The following NAALADL2 variants were observed in gnomAD, a reference collection of about 807,000 sequenced individuals.
NAALADL2 encodes inactive N-acetylated-alpha-linked acidic dipeptidase-like protein 2.
A neutral mutation model predicts 87.2 loss-of-function variants in NAALADL2; 76 were observed. The ratio of observed to expected loss-of-function variants is 0.87; its 90% CI spans 0.72 to 1.05. The LOEUF (loss-of-function observed/expected upper bound fraction) is 1.05. Among genes scored for constraint, NAALADL2 ranks in the 50% least tolerant of loss-of-function variants. The pLI is 0.00. For synonymous variants in NAALADL2, 354 were observed against 331.0 expected (o/e 1.07, Z -0.75); for missense variants, 1,089 against 945.8 (o/e 1.15, Z -1.99).
At chr3:175,572,154 T>C (rs1035017013) in intron 9 of NAALADL2, among the ~76,000 whole-genome samples, 2 of 152,174 alleles carry the variant, frequency 1.3e-5, no homozygotes, top group African/African-American at 4.8e-5. Context: ...GTGTTGTCCC[T>C]GAAGCCTCCA....
chr3:174,452,009 A>AT (rs34944717), intron 1 of NAALADL2, among the ~76,000 whole-genome samples: 11 of 148,752 alleles, frequency 7.4e-5, no homozygotes, highest in Non-Finnish European at 1.0e-4. Flanking sequence ...TGCCTGGCTA[A>AT]TTTTTTTTTT....
chr3:175,053,846 G>A (rs371263724), intron 1 of NAALADL2, among the ~76,000 whole-genome samples: 2 of 152,280 alleles, frequency 1.3e-5, no homozygotes, highest in East Asian at 3.9e-4. Context: ...GAGACCAGAG[G>A]CATTAACATG....
intron 1 of NAALADL2, among the ~76,000 whole-genome samples, chr3:174,963,291 A>G (rs186538786): frequency 6.8e-4 from 104 of 152,296 alleles, no homozygotes; most frequent in African/African-American, 2.3e-3. Context: ...GTAAACTTTT[A>G]TAGGATTACT....
rs1746531241 is a variant in NAALADL2, at chr3:174,990,248, A to T, written c.44-106542A>T. Among the ~76,000 whole-genome samples the T allele has an allele frequency of 1.3e-5, 2 of 152,158 alleles. 1 individual carries two copies. The highest frequency in any genetic ancestry group is 4.1e-4 in the South Asian group (2 of 4,828). ...ATGTTTCTTAAGTTACTGGAAACCT[A>T]GGATATTTTTGCTGTTTTATCTGAT... On this transcript the variant is annotated intron_variant, in intron 1 of 13. Coordinates refer to ENST00000454872, the MANE Select transcript of NAALADL2 (RefSeq NM_207015.3).
chr3:175,258,970 C>T (rs1173956273), intron 4 of NAALADL2, among the ~76,000 whole-genome samples: 1 of 152,156 alleles, frequency 6.6e-6, no homozygotes, highest in East Asian at 1.9e-4. Context: ...TGCCTTCACG[C>T]CTGTACTGAA....
chr3:174,939,645 G>A (rs934029371), intron 1 of NAALADL2, among the ~76,000 whole-genome samples: 8 of 151,884 alleles, frequency 5.3e-5, no homozygotes, highest in Admixed American at 1.3e-4. Flanking sequence ...CGTGAGCATG[G>A]GATTTATTTT....
intron 9 of NAALADL2, among the ~76,000 whole-genome samples, chr3:175,536,350 G>A (rs1450993504): frequency 6.6e-6 from 1 of 152,094 alleles, no homozygotes; most frequent in African/African-American, 2.4e-5. Context: ...CTGATCATAA[G>A]CAGGTTACCT....
At chr3:175,229,550 A>G (rs1391957262) in intron 2 of NAALADL2, among the ~76,000 whole-genome samples, 1 of 151,998 alleles carries the variant, frequency 6.6e-6, no homozygotes, top group Non-Finnish European at 1.5e-5. Flanking sequence ...TGGGAAGTTC[A>G]AGATCAAAGT....
At chr3:175,610,171 CAAGTAGGAAAACATAGAGGAT>C (rs2149670949) in intron 10 of NAALADL2, among the ~76,000 whole-genome samples, 1 of 152,194 alleles carries the variant, frequency 6.6e-6, no homozygotes, top group East Asian at 1.9e-4. Context: ...CATTTAAATA[CAAGTAGGAAAACATAGAGGAT>C]CACCCTATGT....
At chr3:175,654,331 A>T (rs1456938706) in intron 11 of NAALADL2, among the ~76,000 whole-genome samples, 23 of 152,104 alleles carry the variant, frequency 1.5e-4, no homozygotes, top group Admixed American at 1.5e-3. Context: ...GATTTTCTTG[A>T]TGGCATCTAG....
At chr3:174,477,362 T>A (rs1039013914) in intron 1 of NAALADL2, among the ~76,000 whole-genome samples, 1 of 152,070 alleles carries the variant, frequency 6.6e-6, no homozygotes, top group Non-Finnish European at 1.5e-5. Flanking sequence ...CTGGATGGAA[T>A]AAAACCACGT....
chr3:175,373,246 A>C (rs1766716153), intron 5 of NAALADL2, among the ~76,000 whole-genome samples: 1 of 152,212 alleles, frequency 6.6e-6, no homozygotes, highest in Non-Finnish European at 1.5e-5. Context: ...ACAGTTGTAT[A>C]ATCATGACCA....
chr3:175,059,196 C>A (rs1369905994), intron 1 of NAALADL2, among the ~76,000 whole-genome samples: 1 of 150,888 alleles, frequency 6.6e-6, no homozygotes. Context: ...TTATTCATCT[C>A]TTTTTTCCCA....
At chr3:174,805,975 T>G (rs1195585312) in intron 3 of NAALADL2, among the ~76,000 whole-genome samples, 1 of 152,212 alleles carries the variant, frequency 6.6e-6, no homozygotes, top group Non-Finnish European at 1.5e-5. Flanking sequence ...GACTATGTGC[T>G]AGTGTGTTTT....
At chr3:174,770,053 CAAG>C (rs769410564) in intron 3 of NAALADL2, among the ~76,000 whole-genome samples, 5 of 152,046 alleles carry the variant, frequency 3.3e-5, no homozygotes, top group African/African-American at 7.2e-5. Context: ...ATATTTAAAA[CAAG>C]AAGTAATCTG....
intron 2 of NAALADL2, among the ~76,000 whole-genome samples, chr3:174,652,947 A>T (rs1724524163): frequency 6.6e-6 from 1 of 152,236 alleles, no homozygotes; most frequent in Non-Finnish European, 1.5e-5. Flanking sequence ...GCCAGTAATC[A>T]TATGAAAAAT....
intron 5 of NAALADL2, among the ~76,000 whole-genome samples, chr3:175,385,572 C>T (rs989266316): frequency 3.3e-5 from 5 of 152,006 alleles, no homozygotes; most frequent in South Asian, 4.2e-4. Context: ...ATTAGCAAAG[C>T]GAATATAGTT....
At chr3:175,281,379 A>T (rs1207771581) in intron 4 of NAALADL2, among the ~76,000 whole-genome samples, 1 of 151,940 alleles carries the variant, frequency 6.6e-6, no homozygotes, top group East Asian at 1.9e-4. Context: ...AAAGTAAGCC[A>T]TTAACTCTCT....
intron 2 of NAALADL2, among the ~76,000 whole-genome samples, chr3:174,565,365 A>AT (rs1295718705): frequency 1.3e-5 from 2 of 151,878 alleles, no homozygotes; most frequent in East Asian, 1.9e-4. Context: ...GCAATCACTG[A>AT]TTTTTTTACC....
Sources: allele counts gnomAD v4.1 joint callset (sites outside exome capture counted in the v4.1 genomes callset), GRCh38; gene constraint gnomAD v4.1.1; transcripts MANE v1.5; gene names NCBI Gene and HGNC (gene_info 2026-07-23, HGNC 2026-07-21).